Variants in JPH3 observed in about 807,000 individuals in gnomAD.
JPH3 encodes the protein junctophilin 3.
A neutral mutation model predicts 59.6 loss-of-function variants in JPH3; 11 were observed. The ratio of observed to expected loss-of-function variants is 0.18; its 90% CI spans 0.12 to 0.31. The LOEUF (loss-of-function observed/expected upper bound fraction) is 0.31, where lower values mean the gene tolerates loss of function less well. JPH3 is among the 10% of genes least tolerant of loss of function. JPH3 has a pLI of 1.00. For missense variants in JPH3, 1,202 were observed against 1,105.7 expected, an observed-to-expected ratio of 1.09 and a Z score of -1.24; for synonymous variants, 673 against 483.6, an observed-to-expected ratio of 1.39 and a Z score of -5.14.
chr16:87,629,683 G>A (rs556305845), intron 1 of JPH3, among the ~76,000 whole-genome samples: 11 of 152,028 alleles, frequency 7.2e-5, no homozygotes, highest in African/African-American at 2.4e-4. Context: ...CCCAGGGTTG[G>A]GGGGGAGGGA....
intron 1 of JPH3, among the ~76,000 whole-genome samples, chr16:87,643,212 G>T (rs1480532694): frequency 6.6e-6 from 1 of 152,244 alleles, no homozygotes; most frequent in African/African-American, 2.4e-5. Context: ...TGCAGCCTGT[G>T]TGAGAATGTT....
rs1337225160 is a variant in JPH3, at chr16:87,659,389, AAAAAAAAAAG to A, written c.1160+14359_1160+14368del. The stretch of plus-strand genomic sequence containing the variant: ...AAGACTGTCTCAAAAAAAAAAAAGA[AAAAAAAAAAG>A]AAAACTACACACACATACACACAAC... On this transcript the variant is annotated intron_variant, in intron 2 of 4. Coordinates refer to ENST00000284262, the MANE Select transcript of JPH3 (RefSeq NM_020655.4). 1.4e-4 allele frequency among the ~76,000 whole-genome samples: 20 copies of A among 145,284 alleles called. No individual in the cohort carries two copies. The East Asian group carries it at 2.9e-3, about 21-fold the overall frequency.
At chr16:87,666,208 G>T (rs7195147) in intron 2 of JPH3, among the ~76,000 whole-genome samples, 1 of 151,270 alleles carries the variant, frequency 6.6e-6, no homozygotes. Flanking sequence ...CCTGCCTCAG[G>T]CTCCCAAGTA....
At chr16:87,671,613 T>C (rs145904879) in intron 2 of JPH3, among the ~76,000 whole-genome samples, 2 of 64,752 alleles carry the variant, frequency 3.1e-5, no homozygotes, top group African/African-American at 5.3e-5. Flanking sequence ...CCGGCTCAGT[T>C]CTGCGCCTGA....
At chr16:87,617,616 C>G (rs2031019965) in intron 1 of JPH3, among the ~76,000 whole-genome samples, 2 of 104,926 alleles carry the variant, frequency 1.9e-5, no homozygotes, top group Non-Finnish European at 3.9e-5. Context: ...GAGATAGTGG[C>G]TGGGTCTGGT....
At chr16:87,691,504 A>AG (rs1016553510) in intron 4 of JPH3, among the ~76,000 whole-genome samples, 1 of 152,034 alleles carries the variant, frequency 6.6e-6, no homozygotes, top group Non-Finnish European at 1.5e-5. Flanking sequence ...TGGGCCGGGC[A>AG]GGGGGGACCA....
chr16:87,656,455 T>C (rs980967344), intron 2 of JPH3, among the ~76,000 whole-genome samples: 17 of 152,230 alleles, frequency 1.1e-4, no homozygotes, highest in African/African-American at 3.9e-4. Context: ...ATGAGCCACG[T>C]TCTGCCCCGG....
chr16:87,684,357 G>T, intron 3 of JPH3, 91 bp downstream of exon 3: 1 of 1,531,246 alleles, frequency 6.5e-7, no homozygotes, highest in South Asian at 1.3e-5. Context: ...CTCCAGAGCG[G>T]GTAGGCTTAG....
At chr16:87,669,903 T>C (rs1483385374) in intron 2 of JPH3, among the ~76,000 whole-genome samples, 1 of 151,882 alleles carries the variant, frequency 6.6e-6, no homozygotes, top group Admixed American at 6.5e-5. Flanking sequence ...CCTCTCTCGG[T>C]GAGGGCCGGA....
At chr16:87,626,406 G>A (rs754225001) in intron 1 of JPH3, among the ~76,000 whole-genome samples, 5 of 152,186 alleles carry the variant, frequency 3.3e-5, no homozygotes, top group Non-Finnish European at 7.4e-5. Flanking sequence ...GGAGGACTGG[G>A]GCTCTCCTCC....
intron 1 of JPH3, among the ~76,000 whole-genome samples, chr16:87,643,158 C>T (rs2032011235): frequency 6.6e-6 from 1 of 152,186 alleles, no homozygotes. Flanking sequence ...CTTTTGTGCC[C>T]AGCTCAGTTC....
At chr16:87,648,348 G>A (rs1432732817) in intron 2 of JPH3, among the ~76,000 whole-genome samples, 1 of 152,212 alleles carries the variant, frequency 6.6e-6, no homozygotes, top group Non-Finnish European at 1.5e-5. Context: ...CCCTCCACTG[G>A]AGCATGAGAG....
chr16:87,686,650 G>T (rs1421788556), intron 3 of JPH3, among the ~76,000 whole-genome samples: 1 of 150,344 alleles, frequency 6.7e-6, no homozygotes, highest in Non-Finnish European at 1.5e-5. Context: ...GGATTCAGAG[G>T]AGATGCTTCC....
At chr16:87,670,684 C>T (rs1240759387) in intron 2 of JPH3, among the ~76,000 whole-genome samples, 2 of 152,256 alleles carry the variant, frequency 1.3e-5, no homozygotes, top group Admixed American at 1.3e-4. Flanking sequence ...CTCAGGGACC[C>T]GGCGGGGACA....
intron 1 of JPH3, among the ~76,000 whole-genome samples, chr16:87,640,595 G>A (rs2150842322): frequency 6.6e-6 from 1 of 152,106 alleles, no homozygotes; most frequent in East Asian, 2.0e-4. Flanking sequence ...ATTTCACTAT[G>A]TTGGCCAGCG....
intron 1 of JPH3, among the ~76,000 whole-genome samples, chr16:87,626,674 G>C (rs76801786): frequency 0.034 from 5,159 of 152,358 alleles, 298 homozygotes; most frequent in African/African-American, 0.12. Context: ...CCTATGGGGT[G>C]GTGCATGTCC....
In JPH3 at chr16:87,696,862, C is replaced by A; in HGVS notation, c.*202C>A. On this transcript the variant is annotated 3_prime_UTR_variant, in exon 5 of 5. Coordinates refer to ENST00000284262, the MANE Select transcript of JPH3 (RefSeq NM_020655.4). ...TGTTTTTTGGATTTTAGCCAAAATT[C>A]TTTGCTTGTATAACACTCTGCTGTG... The A allele has an allele frequency of 3.4e-6, 2 of 584,528 alleles. No individual in the cohort carries two copies. The highest frequency in any genetic ancestry group is 6.1e-6 in the Non-Finnish European group (2 of 325,556). 36.2% of individuals were successfully genotyped at this position (584,528 alleles called of 1,614,324 possible). A position where few individuals can be genotyped will look rare whatever the true frequency, so the allele number is the denominator to read the frequency against.
In JPH3 at chr16:87,697,096, G is replaced by A. The variant is rs1481338173; in HGVS notation, c.*436G>A. ...TCCCGTCGACACGAGCTTAGAAAGT[G>A]GATTCACTGCTTTCTCTGTCTAGAA... is the stretch of plus-strand genomic sequence containing the variant. On this transcript the variant is annotated 3_prime_UTR_variant, in exon 5 of 5. Transcript: ENST00000284262. 3.8e-6 allele frequency: 1 copy of A among 262,526 alleles called. No individual in the cohort carries two copies. The highest frequency in any genetic ancestry group is 2.2e-5 in the African/African-American group (1 of 45,284). 16.3% of individuals were successfully genotyped at this position (262,526 alleles called of 1,614,324 possible).
intron 1 of JPH3, among the ~76,000 whole-genome samples, chr16:87,630,215 C>T (rs1055065110): frequency 3.3e-5 from 5 of 152,202 alleles, no homozygotes; most frequent in African/African-American, 9.7e-5. Context: ...CAAGACGCAC[C>T]TGGGTCCTAT....
Sources: allele counts gnomAD v4.1 joint callset (sites outside exome capture counted in the v4.1 genomes callset), GRCh38; gene constraint gnomAD v4.1.1; transcripts MANE v1.5; gene names NCBI Gene and HGNC (gene_info 2026-07-23, HGNC 2026-07-21).